Variants in PALLD observed in about 807,000 individuals in gnomAD.
The protein encoded by PALLD is palladin, cytoskeletal associated protein.
PALLD carries 61 observed loss-of-function variants against 123.5 expected under a neutral mutation model. The observed-to-expected ratio is 0.49, with a 90% CI of 0.40 to 0.61. The LOEUF (loss-of-function observed/expected upper bound fraction) is 0.61. Ranked by LOEUF, PALLD falls within the 20% of genes least tolerant of loss-of-function variation. The pLI is 0.00. For synonymous variants in PALLD, 465 were observed against 496.4 expected (o/e 0.94, Z 0.84); for missense variants, 1,273 against 1,377.0 (o/e 0.92, Z 1.20).
intron 2 of PALLD, among the ~76,000 whole-genome samples, chr4:168,582,370 C>T (rs544505333): frequency 2.5e-4 from 38 of 152,126 alleles, no homozygotes; most frequent in African/African-American, 6.5e-4. Flanking sequence ...TTTGTGGAGT[C>T]GTTAGGGCTT....
intron 18 of PALLD, among the ~76,000 whole-genome samples, chr4:168,921,982 G>A (rs1761605683): frequency 6.6e-6 from 1 of 151,790 alleles, no homozygotes; most frequent in African/African-American, 2.4e-5. Context: ...TGGGTCATTC[G>A]ACCTCCTGTG....
intron 2 of PALLD, among the ~76,000 whole-genome samples, chr4:168,586,632 G>C (rs936867105): frequency 2.6e-5 from 4 of 152,156 alleles, no homozygotes; most frequent in Non-Finnish European, 5.9e-5. Flanking sequence ...GGTTTGAACT[G>C]TAAACCCAGT....
At chr4:168,498,227 T>G (rs911725789) in intron 1 of PALLD, among the ~76,000 whole-genome samples, 1 of 152,206 alleles carries the variant, frequency 6.6e-6, no homozygotes, top group Non-Finnish European at 1.5e-5. Context: ...GCCCTGTAAA[T>G]ACATGATTAC....
At chr4:168,585,606 C>A (rs1314815497) in intron 2 of PALLD, among the ~76,000 whole-genome samples, 1 of 152,150 alleles carries the variant, frequency 6.6e-6, no homozygotes, top group Non-Finnish European at 1.5e-5. Context: ...GATCCAGTCC[C>A]CAGCGCAGGC....
chr4:168,766,711 G>A (rs558606270), intron 10 of PALLD, among the ~76,000 whole-genome samples: 4 of 152,296 alleles, frequency 2.6e-5, no homozygotes, highest in South Asian at 2.1e-4. Flanking sequence ...AACGACCTTC[G>A]GGAGAAGTCA....
At chr4:168,667,947 T>C (rs1779814132) in intron 2 of PALLD, among the ~76,000 whole-genome samples, 1 of 152,246 alleles carries the variant, frequency 6.6e-6, no homozygotes, top group African/African-American at 2.4e-5. Flanking sequence ...CTGAGTTTGA[T>C]AGCATCACTT....
At chr4:168,917,800 T>A (rs1164447927) in intron 17 of PALLD, among the ~76,000 whole-genome samples, 1 of 152,120 alleles carries the variant, frequency 6.6e-6, no homozygotes, top group Non-Finnish European at 1.5e-5. Context: ...TGTATATATT[T>A]TATATATATA....
chr4:168,899,487 G>A (rs922070569), intron 14 of PALLD, among the ~76,000 whole-genome samples: 7 of 152,184 alleles, frequency 4.6e-5, no homozygotes, highest in African/African-American at 1.7e-4. Context: ...AGTGCTGGAT[G>A]ATTAAAATTC....
intron 10 of PALLD, among the ~76,000 whole-genome samples, chr4:168,829,738 A>G (rs2150839523): frequency 6.6e-6 from 1 of 152,340 alleles, no homozygotes; most frequent in South Asian, 2.1e-4. Context: ...AAACAAGCTG[A>G]GAATTCAAAG....
At chr4:168,516,877 T>C (rs1763037424) in intron 2 of PALLD, among the ~76,000 whole-genome samples, 1 of 152,242 alleles carries the variant, frequency 6.6e-6, no homozygotes, top group South Asian at 2.1e-4. Context: ...AATCCCTTCA[T>C]GGGTATCCTT....
At chr4:168,861,780 C>T (rs566897935) in intron 10 of PALLD, among the ~76,000 whole-genome samples, 7 of 152,144 alleles carry the variant, frequency 4.6e-5, no homozygotes, top group African/African-American at 1.7e-4. Flanking sequence ...CTCAGCCTCC[C>T]GAGTAGCTGG....
intron 10 of PALLD, among the ~76,000 whole-genome samples, chr4:168,736,301 C>T (rs1482008422): frequency 6.6e-6 from 1 of 152,156 alleles, no homozygotes; most frequent in African/African-American, 2.4e-5. Flanking sequence ...TACACACACA[C>T]AGTGTGTATG....
chr4:168,825,072 T>C (rs1037339157), intron 10 of PALLD, among the ~76,000 whole-genome samples: 2 of 152,096 alleles, frequency 1.3e-5, no homozygotes, highest in East Asian at 3.8e-4. Flanking sequence ...CACCTTGGCC[T>C]CCCAAAGTGC....
intron 2 of PALLD, among the ~76,000 whole-genome samples, chr4:168,537,986 C>G (rs1580196773): frequency 6.6e-6 from 1 of 152,176 alleles, no homozygotes; most frequent in East Asian, 1.9e-4. Context: ...TGAGAATAAC[C>G]AGTAAGGAAA....
At chr4:168,785,496 C>T (rs538682089) in intron 10 of PALLD, among the ~76,000 whole-genome samples, 1 of 152,228 alleles carries the variant, frequency 6.6e-6, no homozygotes, top group Admixed American at 6.5e-5. Flanking sequence ...CAAAACAATG[C>T]ACTCGGAACT....
At chr4:168,589,221 C>T (rs1169295593) in intron 2 of PALLD, among the ~76,000 whole-genome samples, 1 of 152,146 alleles carries the variant, frequency 6.6e-6, no homozygotes, top group Non-Finnish European at 1.5e-5. Flanking sequence ...CACTCTGATC[C>T]ACGTCTGATC....
intron 10 of PALLD, among the ~76,000 whole-genome samples, chr4:168,813,059 G>GCTGCAGAAGGGCTCA (rs1741394479): frequency 6.6e-6 from 1 of 151,524 alleles, no homozygotes; most frequent in African/African-American, 2.4e-5. Context: ...GTGTCCCTGT[G>GCTGCAGAAGGGCTCA]GTTCTTTAAG....
chr4:168,669,462 G>A (rs1779964621), intron 3 of PALLD, among the ~76,000 whole-genome samples: 1 of 152,072 alleles, frequency 6.6e-6, no homozygotes, highest in Non-Finnish European at 1.5e-5. Flanking sequence ...CTGGTGGCGT[G>A]TACTTGTACT....
intron 10 of PALLD, chr4:168,877,867 C>T (rs1009084204): frequency 9.2e-6 from 13 of 1,418,668 alleles, no homozygotes; most frequent in Non-Finnish European, 1.1e-5. Flanking sequence ...TCGCGGCCTG[C>T]ACGCCGCCCG....
Sources: gnomAD v4.1 joint callset for allele counts (sites outside exome capture counted in the v4.1 genomes callset) on GRCh38, gnomAD v4.1.1 for gene constraint, MANE v1.5 for transcripts, NCBI Gene and HGNC (gene_info 2026-07-23, HGNC 2026-07-21) for gene names.